Variants in SLC35F4 observed in about 807,000 individuals in gnomAD.
SLC35F4 encodes chromosome 14 open reading frame 36.
SLC35F4 carries 24 observed loss-of-function variants against 44.2 expected under a neutral mutation model. The observed-to-expected ratio is 0.54, with a 90% confidence interval of 0.39 to 0.76. SLC35F4 has a LOEUF of 0.76. Ranked by LOEUF, SLC35F4 falls within the 30% of genes least tolerant of loss-of-function variation. The probability of loss-of-function intolerance (pLI) is 0.00; values close to 1 mark genes in which losing one functional copy is unlikely to be tolerated. For missense variants in SLC35F4, 562 were observed against 586.1 expected, an observed-to-expected ratio of 0.96 and a Z score of 0.42; for synonymous variants, 238 against 223.6, an observed-to-expected ratio of 1.06 and a Z score of -0.57.
At chr14:57,768,826 C>T (rs941104063) in intron 1 of SLC35F4, among the ~76,000 whole-genome samples, 6 of 152,024 alleles carry the variant, frequency 3.9e-5, no homozygotes, top group Non-Finnish European at 8.8e-5. Flanking sequence ...AATCTCGGCT[C>T]ACTACAATCT....
intron 1 of SLC35F4, among the ~76,000 whole-genome samples, chr14:57,678,996 G>C (rs572172283): frequency 6.6e-6 from 1 of 152,092 alleles, no homozygotes; most frequent in African/African-American, 2.4e-5. Context: ...GAATATCCAG[G>C]ACTTGAACTC....
At chr14:57,601,269 A>T (rs1790651848) in intron 1 of SLC35F4, among the ~76,000 whole-genome samples, 1 of 152,030 alleles carries the variant, frequency 6.6e-6, no homozygotes, top group African/African-American at 2.4e-5. Flanking sequence ...AATCTGAATT[A>T]TTTAGGTACT....
intron 1 of SLC35F4, among the ~76,000 whole-genome samples, chr14:57,597,675 C>T (rs1031838294): frequency 1.3e-5 from 2 of 152,170 alleles, no homozygotes; most frequent in African/African-American, 2.4e-5. Flanking sequence ...GAAGGATGAA[C>T]AGGACTTAAT....
intron 1 of SLC35F4, among the ~76,000 whole-genome samples, chr14:57,703,728 G>T (rs1357260078): frequency 6.6e-6 from 1 of 152,060 alleles, no homozygotes; most frequent in African/African-American, 2.4e-5. Flanking sequence ...AAACTCCTCA[G>T]GAAATTATTT....
chr14:57,808,543 A>T (rs1013196741), intron 1 of SLC35F4, among the ~76,000 whole-genome samples: 3 of 152,018 alleles, frequency 2.0e-5, no homozygotes, highest in South Asian at 2.1e-4. Context: ...ATTAAAATGA[A>T]ATACACAGAG....
At chr14:57,599,002 G>C (rs1158730560) in intron 1 of SLC35F4, among the ~76,000 whole-genome samples, 4 of 152,192 alleles carry the variant, frequency 2.6e-5, no homozygotes, top group Admixed American at 2.6e-4. Context: ...CACTGGCTGT[G>C]TCAACTCAGG....
intron 1 of SLC35F4, among the ~76,000 whole-genome samples, chr14:57,787,986 G>C (rs535873800): frequency 6.6e-6 from 1 of 152,244 alleles, no homozygotes; most frequent in South Asian, 2.1e-4. Context: ...CTGCAGAATG[G>C]ATAAGAACTC....
At chr14:57,893,800 C>T (rs1405729816) in intron 1 of SLC35F4, among the ~76,000 whole-genome samples, 5 of 151,084 alleles carry the variant, frequency 3.3e-5, no homozygotes, top group Non-Finnish European at 7.4e-5. Flanking sequence ...TCTAACAGGA[C>T]CCTTCTCTCC....
intron 1 of SLC35F4, among the ~76,000 whole-genome samples, chr14:57,703,372 A>C (rs1421757509): frequency 6.6e-6 from 1 of 152,218 alleles, no homozygotes; most frequent in Non-Finnish European, 1.5e-5. Flanking sequence ...TTTGCAGTGC[A>C]TGGCTCTCAA....
In SLC35F4 at chr14:57,913,947, T is replaced by C. The variant is rs528032232; in HGVS notation, n.282+67966A>G. Among the ~76,000 whole-genome samples the C allele has an allele frequency of 3.4e-4, 52 of 152,314 alleles. 1 individual carries two copies. The highest frequency in any genetic ancestry group is 2.0e-3 in the Admixed American group (30 of 15,296). ...ACTTTTGAAGGATAATTTTACAAGG[T>C]ACAGAAATCTAGGTTGTTGGATATT... On this transcript the variant is annotated intron_variant and non_coding_transcript_variant, in intron 1 of 1. Coordinates refer to the SLC35F4 transcript ENST00000556568.
chr14:57,874,970 G>GAATGAATAAATAAATA (rs149373236), intron 1 of SLC35F4, among the ~76,000 whole-genome samples: 6 of 149,724 alleles, frequency 4.0e-5, no homozygotes, highest in Admixed American at 1.3e-4. Context: ...AGAGGCAGTG[G>GAATGAATAAATAAATA]AATAAATAAA....
At position 57,668,300 on chromosome 14, in the gene SLC35F4, A is replaced by G. The variant is rs898232097; in HGVS notation, c.104-74176T>C. ...TAGGTTGCCTGTTCACTCTGATGGT[A>G]GTTTCTTTTGCTGTGCAGAAGCTCT... On this transcript the variant is annotated intron_variant, in intron 1 of 7. Transcript: ENST00000556826. Among the ~76,000 whole-genome samples the G allele has an allele frequency of 2.0e-5, 3 of 151,038 alleles. 1 individual carries two copies. The highest frequency in any genetic ancestry group is 6.6e-5 in the Admixed American group (1 of 15,192).
At chr14:57,764,522 A>G (rs1399259152) in intron 1 of SLC35F4, among the ~76,000 whole-genome samples, 1 of 152,240 alleles carries the variant, frequency 6.6e-6, no homozygotes, top group Admixed American at 6.5e-5. Context: ...AGTGGTTCCC[A>G]GCTTAAACTC....
intron 1 of SLC35F4, among the ~76,000 whole-genome samples, chr14:57,789,372 A>T (rs1187677482): frequency 6.6e-6 from 1 of 152,234 alleles, no homozygotes; most frequent in Admixed American, 6.5e-5. Context: ...AAACACTTCT[A>T]TGCAAATAAA....
At chr14:57,785,071 T>G (rs1169738565) in intron 1 of SLC35F4, among the ~76,000 whole-genome samples, 2 of 152,254 alleles carry the variant, frequency 1.3e-5, no homozygotes, top group African/African-American at 4.8e-5. Context: ...AGGCTATTAG[T>G]GGTTAAGTTG....
At chr14:57,669,881 A>T (rs1423430094) in intron 1 of SLC35F4, among the ~76,000 whole-genome samples, 1 of 151,966 alleles carries the variant, frequency 6.6e-6, no homozygotes, top group Non-Finnish European at 1.5e-5. Context: ...TTTTCTACGG[A>T]TTGGAATAGT....
intron 1 of SLC35F4, among the ~76,000 whole-genome samples, chr14:57,744,771 C>T (rs1157999432): frequency 6.6e-6 from 1 of 152,074 alleles, no homozygotes; most frequent in Admixed American, 6.5e-5. Context: ...CAAAAAAGGC[C>T]CACATTGCCA....
chr14:57,700,170 A>G (rs993471632), intron 1 of SLC35F4, among the ~76,000 whole-genome samples: 13 of 152,228 alleles, frequency 8.5e-5, no homozygotes, highest in Admixed American at 7.9e-4. Flanking sequence ...AGCCTACTAC[A>G]TACCTAGGCT....
chr14:57,625,884 G>A (rs937528967), intron 1 of SLC35F4, among the ~76,000 whole-genome samples: 11 of 152,138 alleles, frequency 7.2e-5, no homozygotes, highest in Non-Finnish European at 1.5e-5. Context: ...TATGTTTATT[G>A]CGGCACTGTT....
Sources: gnomAD v4.1 joint callset for allele counts (sites outside exome capture counted in the v4.1 genomes callset) on GRCh38, gnomAD v4.1.1 for gene constraint, MANE v1.5 for transcripts, NCBI Gene and HGNC (gene_info 2026-07-23, HGNC 2026-07-21) for gene names.